The following CUX1 variants were observed in gnomAD, a reference collection of about 807,000 sequenced individuals.
CUX1 encodes protein CASP.
A neutral mutation model predicts 158.8 loss-of-function variants in CUX1; 31 were observed. The ratio of observed to expected loss-of-function variants is 0.20; its 90% CI spans 0.15 to 0.26. CUX1 has a LOEUF of 0.26. Ranked by LOEUF, CUX1 falls within the 10% of genes least tolerant of loss-of-function variation. CUX1 has a pLI of 1.00. For missense variants in CUX1, 1,589 were observed against 2,014.6 expected, an observed-to-expected ratio of 0.79 and a Z score of 4.04; for synonymous variants, 879 against 862.1, an observed-to-expected ratio of 1.02 and a Z score of -0.34.
chr7:102,076,433 A>G lies in CUX1; in HGVS notation c.268+6016A>G, dbSNP rs77756340. ...AGACACCAAATAAGCATTTAGCAAT[A>G]CAGTAGCATTGAACCCTCATGGTCC... On this transcript the variant is annotated intron_variant, in intron 4 of 23. Transcript: ENST00000292535. Among the ~76,000 whole-genome samples, 1,060 of 152,200 alleles carry G rather than the reference A, an allele frequency of 7.0e-3. 10 individuals carry two copies. Among genetic ancestry groups the G allele is most frequent in the Non-Finnish European group, 0.011 (719 of 67,984 alleles).
At chr7:102,278,976 G>A (rs782625436) in intron 18 of CUX1, among the ~76,000 whole-genome samples, 17 of 152,068 alleles carry the variant, frequency 1.1e-4, no homozygotes, top group Non-Finnish European at 1.8e-4. Flanking sequence ...GGAGGTACAG[G>A]CTGCAGTGAG....
At chr7:102,067,229 C>CTTTTTTT (rs34912215) in intron 3 of CUX1, among the ~76,000 whole-genome samples, 10 of 94,016 alleles carry the variant, frequency 1.1e-4, no homozygotes, top group African/African-American at 1.3e-4. Flanking sequence ...TTTCATGTAA[C>CTTTTTTT]TTTTTTTTTT....
intron 15 of CUX1, among the ~76,000 whole-genome samples, chr7:102,197,632 A>G (rs782526329): frequency 2.0e-4 from 31 of 152,098 alleles, no homozygotes; most frequent in Admixed American, 2.6e-4. Context: ...CGCGGGTCCA[A>G]TTGGCCTTGG....
chr7:102,185,194 C>T (rs1793503650), intron 11 of CUX1, among the ~76,000 whole-genome samples: 1 of 152,216 alleles, frequency 6.6e-6, no homozygotes, highest in Non-Finnish European at 1.5e-5. Context: ...TCAACCCCAC[C>T]TAGCAGGGAT....
intron 1 of CUX1, among the ~76,000 whole-genome samples, chr7:101,884,046 A>AC (rs1224171131): frequency 6.6e-6 from 1 of 151,562 alleles, no homozygotes; most frequent in Admixed American, 6.6e-5. Flanking sequence ...GGTACATGCC[A>AC]CCATGCCAGG....
chr7:102,128,400 C>T (rs1458143331), intron 8 of CUX1, among the ~76,000 whole-genome samples: 3 of 151,922 alleles, frequency 2.0e-5, no homozygotes, highest in Admixed American at 6.6e-5. Flanking sequence ...CGGATTGGGC[C>T]GGGTGCCAGG....
intron 3 of CUX1, among the ~76,000 whole-genome samples, chr7:102,034,108 T>C (rs1821127457): frequency 8.5e-6 from 1 of 117,582 alleles, no homozygotes; most frequent in Non-Finnish European, 1.6e-5. Context: ...ATCATGCCAC[T>C]GGACTCCAGC....
chr7:101,904,559 A>AT (rs1432377645), intron 1 of CUX1, among the ~76,000 whole-genome samples: 2 of 147,266 alleles, frequency 1.4e-5, no homozygotes, highest in African/African-American at 5.0e-5. Context: ...GTATAATAAC[A>AT]TTTTGAGAAT....
At chr7:102,087,873 A>G (rs781956481) in intron 4 of CUX1, among the ~76,000 whole-genome samples, 16 of 152,194 alleles carry the variant, frequency 1.1e-4, no homozygotes, top group Non-Finnish European at 1.9e-4. Context: ...CGTGGATTCA[A>G]GTATGCACGT....
intron 1 of CUX1, among the ~76,000 whole-genome samples, chr7:101,903,749 C>A (rs1461916821): frequency 2.0e-5 from 3 of 152,032 alleles, no homozygotes; most frequent in Non-Finnish European, 1.5e-5. Flanking sequence ...GAGCGTCTAG[C>A]AAGTATTCTA....
intron 1 of CUX1, among the ~76,000 whole-genome samples, chr7:101,840,025 G>C (rs944416822): frequency 6.6e-6 from 1 of 152,214 alleles, no homozygotes; most frequent in African/African-American, 2.4e-5. Flanking sequence ...GCCTCTCAAA[G>C]TGCTGGGATT....
intron 2 of CUX1, among the ~76,000 whole-genome samples, chr7:102,014,522 G>T (rs1818378955): frequency 6.6e-6 from 1 of 152,200 alleles, no homozygotes; most frequent in South Asian, 2.1e-4. Context: ...CCCTTGAATG[G>T]ACTTTCTTGG....
Position 102,252,154 on chromosome 7 carries a change from G to C in CUX1, c.*3112G>C. On this transcript the variant is annotated 3_prime_UTR_variant, in exon 24 of 24. Coordinates refer to ENST00000292535, the MANE Select transcript of CUX1 (RefSeq NM_181552.4). Reference sequence around the variant, plus strand: ...AAAAAAAATAGAGATCCTAACCTTAGATCTTTGATGTGAAGCTAGCACTGT... The same window carrying C: ...AAAAAAAATAGAGATCCTAACCTTACATCTTTGATGTGAAGCTAGCACTGT... 1.0e-6 allele frequency: 1 copy of C among 985,200 alleles called. No individual in the cohort carries two copies. The highest frequency in any genetic ancestry group is 1.7e-5 in the African/African-American group (1 of 57,310). 61.0% of individuals were successfully genotyped at this position (985,200 alleles called of 1,614,324 possible).
Position 102,211,961 on chromosome 7 carries a change from G to A in CUX1, c.3130+6791G>A, listed in dbSNP as rs868967188. On this transcript the variant is annotated intron_variant, in intron 20 of 23. Coordinates refer to ENST00000292535, the MANE Select transcript of CUX1 (RefSeq NM_181552.4). Reference sequence around the variant, plus strand: ...CCGCCCCAAGAGCCACAGGAGGAAGGGCACATGCGCTTCTCAAAAGTTCCT... The same window carrying A: ...CCGCCCCAAGAGCCACAGGAGGAAGAGCACATGCGCTTCTCAAAAGTTCCT... Among the ~76,000 whole-genome samples, 9 of 152,144 alleles carry A rather than the reference G, an allele frequency of 5.9e-5. 1 individual carries two copies. The South Asian group carries it at 1.9e-3, about 32-fold the overall frequency.
chr7:102,163,954 G>A (rs1234878680), intron 9 of CUX1, among the ~76,000 whole-genome samples: 4 of 152,132 alleles, frequency 2.6e-5, no homozygotes, highest in African/African-American at 9.7e-5. Context: ...CAGAGGGGTC[G>A]GCACCTGTCA....
chr7:102,111,887 G>A, intron 7 of CUX1, 113 bp downstream of exon 7: 3 of 805,954 alleles, frequency 3.7e-6, no homozygotes, highest in Non-Finnish European at 6.1e-6. Flanking sequence ...TCGGGGCCGT[G>A]GGAGCTGCCG....
intron 22 of CUX1, among the ~76,000 whole-genome samples, chr7:102,238,314 C>T (rs1486228226): frequency 6.6e-6 from 1 of 152,166 alleles, no homozygotes; most frequent in African/African-American, 2.4e-5. Flanking sequence ...GGCGTCTTCC[C>T]AGACGCTGGC....
chr7:102,009,902 G>A (rs371573979), intron 2 of CUX1, among the ~76,000 whole-genome samples: 176 of 152,282 alleles, frequency 1.2e-3, no homozygotes, highest in Non-Finnish European at 4.3e-4. Context: ...GTGAGCCTTC[G>A]TGACTGGCGT....
chr7:102,077,036 T>TAA lies in CUX1; in HGVS notation c.268+6633_268+6634dup, dbSNP rs34277145. Among the ~76,000 whole-genome samples the TAA allele has an allele frequency of 5.7e-3, 724 of 127,818 alleles. 4 individuals carry two copies. The highest frequency in any genetic ancestry group is 0.03 in the South Asian group (123 of 4,036). 83.9% of individuals were successfully genotyped at this position (127,818 alleles called of 152,430 possible). ...GTGACAGAGTGGGACCCTGTCAAAT[T>TAA]AAAAAAAAAAAAAAATTAGAAAAAA... On this transcript the variant is annotated intron_variant, in intron 4 of 23. Transcript: ENST00000292535.
Sources: gnomAD v4.1 joint callset for allele counts (sites outside exome capture counted in the v4.1 genomes callset) on GRCh38, gnomAD v4.1.1 for gene constraint, MANE v1.5 for transcripts, NCBI Gene and HGNC (gene_info 2026-07-23, HGNC 2026-07-21) for gene names.